Variants in KCNB2 observed in about 807,000 individuals in gnomAD.
KCNB2 encodes the protein potassium voltage-gated channel subfamily B member 2.
Under a neutral mutation model 61.5 loss-of-function variants are expected in KCNB2, and 15 were observed. That is an observed-to-expected ratio of 0.24 (90% CI 0.16 to 0.38). The LOEUF is 0.38. Among genes scored for constraint, KCNB2 ranks in the 10% least tolerant of loss-of-function variants. KCNB2 has a pLI of 1.00. For missense variants in KCNB2, 828 were observed against 1,125.2 expected, an observed-to-expected ratio of 0.74 and a Z score of 3.78; for synonymous variants, 457 against 446.0, an observed-to-expected ratio of 1.02 and a Z score of -0.31.
At chr8:72,561,252 G>T (rs993877751) in intron 1 of KCNB2, among the ~76,000 whole-genome samples, 10 of 151,650 alleles carry the variant, frequency 6.6e-5, no homozygotes, top group Non-Finnish European at 1.5e-4. Flanking sequence ...TGCCTCCCAG[G>T]TTCTGGCAAT....
intron 2 of KCNB2, among the ~76,000 whole-genome samples, chr8:72,633,190 C>T (rs553178802): frequency 6.6e-6 from 1 of 152,192 alleles, no homozygotes; most frequent in South Asian, 2.1e-4. Context: ...TGAAGGAGGG[C>T]GGTGGTCCCT....
chr8:72,623,181 C>T (rs1340810727), intron 2 of KCNB2, among the ~76,000 whole-genome samples: 4 of 152,164 alleles, frequency 2.6e-5, no homozygotes, highest in Non-Finnish European at 5.9e-5. Context: ...GGTTAACTTT[C>T]TCTGGCTGTA....
intron 2 of KCNB2, among the ~76,000 whole-genome samples, chr8:72,626,698 A>G (rs548924520): frequency 6.6e-6 from 1 of 152,342 alleles, no homozygotes; most frequent in Non-Finnish European, 1.5e-5. Context: ...CAATGAGAAA[A>G]TGTTGGGGTT....
At chr8:72,846,620 A>T (rs1049425985) in intron 2 of KCNB2, among the ~76,000 whole-genome samples, 26 of 152,338 alleles carry the variant, frequency 1.7e-4, no homozygotes, top group Non-Finnish European at 3.5e-4. Context: ...CACTTCTCAA[A>T]AGAAGACATT....
intron 1 of KCNB2, among the ~76,000 whole-genome samples, chr8:72,560,381 T>C (rs983889917): frequency 2.0e-5 from 3 of 152,198 alleles, no homozygotes; most frequent in Non-Finnish European, 4.4e-5. Context: ...TTCACCCAAA[T>C]AGTGGATTGT....
intron 2 of KCNB2, among the ~76,000 whole-genome samples, chr8:72,892,008 G>A (rs1384090899): frequency 6.6e-6 from 1 of 152,116 alleles, no homozygotes; most frequent in Admixed American, 6.5e-5. Flanking sequence ...AGAAGCCAGA[G>A]CAGCTTGAAG....
chr8:72,764,632 C>T (rs1808433922), intron 2 of KCNB2, among the ~76,000 whole-genome samples: 1 of 152,086 alleles, frequency 6.6e-6, no homozygotes, highest in Non-Finnish European at 1.5e-5. Context: ...GAGTAAGGCC[C>T]CTTGTTTTGA....
At chr8:72,627,353 A>T (rs1413891679) in intron 2 of KCNB2, among the ~76,000 whole-genome samples, 1 of 152,192 alleles carries the variant, frequency 6.6e-6, no homozygotes, top group Non-Finnish European at 1.5e-5. Flanking sequence ...TGGAGGTCTC[A>T]AATTTGATTT....
intron 2 of KCNB2, among the ~76,000 whole-genome samples, chr8:72,678,021 C>T (rs1483640139): frequency 6.6e-6 from 1 of 152,182 alleles, no homozygotes; most frequent in Non-Finnish European, 1.5e-5. Flanking sequence ...CAAATTAAAG[C>T]TGCCTCCCCT....
intron 2 of KCNB2, among the ~76,000 whole-genome samples, chr8:72,650,537 C>G (rs1806196534): frequency 6.6e-6 from 1 of 152,164 alleles, no homozygotes; most frequent in Non-Finnish European, 1.5e-5. Context: ...GTAACTTCCT[C>G]AAGATCGTGT....
chr8:72,560,153 G>T (rs1806490751), intron 1 of KCNB2, among the ~76,000 whole-genome samples: 1 of 152,152 alleles, frequency 6.6e-6, no homozygotes, highest in Non-Finnish European at 1.5e-5. Flanking sequence ...TTTTTACTAT[G>T]AGACAGAGCC....
At chr8:72,638,616 T>C (rs1412869319) in intron 2 of KCNB2, among the ~76,000 whole-genome samples, 3 of 152,144 alleles carry the variant, frequency 2.0e-5, no homozygotes, top group African/African-American at 7.2e-5. Context: ...ATCTAATTTC[T>C]GCCTCTGAAA....
At chr8:72,643,374 A>T (rs981788749) in intron 2 of KCNB2, among the ~76,000 whole-genome samples, 1 of 152,138 alleles carries the variant, frequency 6.6e-6, no homozygotes, top group African/African-American at 2.4e-5. Context: ...ATCCCAGGAC[A>T]TCTGTGATGG....
At chr8:72,932,026 C>CAAACA (rs531294804) in intron 2 of KCNB2, among the ~76,000 whole-genome samples, 7 of 151,156 alleles carry the variant, frequency 4.6e-5, no homozygotes, top group South Asian at 2.1e-4. Context: ...AACAAACAAA[C>CAAACA]AAAAAAAACT....
intron 2 of KCNB2, among the ~76,000 whole-genome samples, chr8:72,872,946 G>C (rs897550723): frequency 6.6e-6 from 1 of 152,136 alleles, no homozygotes. Flanking sequence ...AATATTCCTC[G>C]TTGAATTCCC....
chr8:72,690,772 A>G (rs1806927938), intron 2 of KCNB2, among the ~76,000 whole-genome samples: 2 of 152,242 alleles, frequency 1.3e-5, no homozygotes. Flanking sequence ...TCAGATGCCC[A>G]TGAGGGAAGC....
chr8:72,744,969 C>G (rs1178613748), intron 2 of KCNB2, among the ~76,000 whole-genome samples: 1 of 152,220 alleles, frequency 6.6e-6, no homozygotes, highest in Non-Finnish European at 1.5e-5. Flanking sequence ...GCTGTGGCTA[C>G]TGCCAGCTTC....
At chr8:72,715,457 CTG>C (rs1807418339) in intron 2 of KCNB2, among the ~76,000 whole-genome samples, 2 of 152,294 alleles carry the variant, frequency 1.3e-5, no homozygotes, top group South Asian at 4.1e-4. Flanking sequence ...TTATAACAAA[CTG>C]TCTCTCAGAC....
chr8:72,632,453 TA>T lies in KCNB2; in HGVS notation c.579+64141del, dbSNP rs1376905733. 2.6e-5 allele frequency among the ~76,000 whole-genome samples: 4 copies of T among 152,142 alleles called. 1 individual carries two copies. The highest frequency in any genetic ancestry group is 5.9e-5 in the Non-Finnish European group (4 of 68,020). Reference sequence around the variant, plus strand: ...GTTGCAGAGTTGCAAAGGAGACTGTTAGTCTGAAAAACCTGAACTATTTACT... The same window carrying T: ...GTTGCAGAGTTGCAAAGGAGACTGTTGTCTGAAAAACCTGAACTATTTACT... On this transcript the variant is annotated intron_variant, in intron 2 of 2. Coordinates refer to ENST00000523207, the MANE Select transcript of KCNB2 (RefSeq NM_004770.3).
Sources: allele counts gnomAD v4.1 joint callset (sites outside exome capture counted in the v4.1 genomes callset), GRCh38; gene constraint gnomAD v4.1.1; transcripts MANE v1.5; gene names NCBI Gene and HGNC (gene_info 2026-07-23, HGNC 2026-07-21).